Variants in ADARB2 observed in about 807,000 individuals in gnomAD.
ADARB2 encodes inactive double-stranded RNA-specific editase B2.
In ADARB2, 25 loss-of-function variants were observed where a neutral mutation model predicts 62.2. The observed-to-expected ratio is 0.40, with a 90% confidence interval of 0.29 to 0.56. The LOEUF (loss-of-function observed/expected upper bound fraction) is 0.56. ADARB2 is among the 20% of genes least tolerant of loss of function. The pLI, the probability that ADARB2 is intolerant of heterozygous loss-of-function variation, is 0.43. For missense variants in ADARB2, 1,071 were observed against 1,077.4 expected, an observed-to-expected ratio of 0.99 and a Z score of 0.08; for synonymous variants, 572 against 500.8, an observed-to-expected ratio of 1.14 and a Z score of -1.90.
intron 1 of ADARB2, among the ~76,000 whole-genome samples, chr10:1,538,245 C>T (rs1016918488): frequency 6.6e-6 from 1 of 152,198 alleles, no homozygotes; most frequent in Admixed American, 6.5e-5. Flanking sequence ...GTGGCTGTGG[C>T]TGCAGGGGTC....
At chr10:1,247,889 A>G (rs1248013040) in intron 4 of ADARB2, among the ~76,000 whole-genome samples, 1 of 152,144 alleles carries the variant, frequency 6.6e-6, no homozygotes, top group Non-Finnish European at 1.5e-5. Flanking sequence ...CCCTGCACAG[A>G]GGTGTCTAAC....
chr10:1,618,864 T>C (rs970854464), intron 1 of ADARB2, among the ~76,000 whole-genome samples: 2 of 152,268 alleles, frequency 1.3e-5, no homozygotes, highest in South Asian at 4.2e-4. Context: ...TTTCCAGCAA[T>C]GGCCATTTGA....
At position 1,208,848 on chromosome 10, in the gene ADARB2, A is replaced by G. The variant is rs1049375452; in HGVS notation, c.1682+8103T>C. Among the ~76,000 whole-genome samples the G allele has an allele frequency of 2.0e-5, 3 of 152,314 alleles. No homozygotes were observed. The South Asian group carries it at 6.2e-4, about 32-fold the overall frequency. ...GGGGGAGACAAGATGGTCACAGACC[A>G]TTGGCCCAGGAAGAGGGGCTTCTGA... On this transcript the variant is annotated intron_variant, in intron 7 of 9. Coordinates refer to ENST00000381312, the MANE Select transcript of ADARB2 (RefSeq NM_018702.4).
chr10:1,205,901 A>G (rs12777068), intron 7 of ADARB2, among the ~76,000 whole-genome samples: 41 of 105,542 alleles, frequency 3.9e-4, no homozygotes, highest in Middle Eastern at 4.5e-3. Context: ...GGGGCAGCCC[A>G]CTGGGGTCAG....
Position 1,185,078 on chromosome 10 carries a change from T to C in ADARB2, c.1865-39A>G, listed in dbSNP as rs1297209964. ...GGGGAAAGGCGGGCGTTAATATTCC[T>C]GGCCTCACACGGGGCTCCCCCAAGG... On this transcript the variant is annotated intron_variant, in intron 8 of 9. Transcript: ENST00000381312. 3 of 1,590,010 alleles carry C rather than the reference T, an allele frequency of 1.9e-6. No individual in the cohort carries two copies. The East Asian group carries it at 6.7e-5, about 36-fold the overall frequency.
chr10:1,574,210 C>T (rs1249352491), intron 1 of ADARB2, among the ~76,000 whole-genome samples: 1 of 152,204 alleles, frequency 6.6e-6, no homozygotes, highest in East Asian at 1.9e-4. Context: ...AACGGACAGC[C>T]TCTTACACAT....
chr10:1,561,161 A>G (rs1157497732), intron 1 of ADARB2, among the ~76,000 whole-genome samples: 1 of 152,244 alleles, frequency 6.6e-6, no homozygotes, highest in East Asian at 1.9e-4. Flanking sequence ...ATATAAAGAC[A>G]TCAAGGAGAT....
At chr10:1,676,047 C>T in intron 1 of ADARB2, 1 of 985,344 alleles carries the variant, frequency 1.0e-6, no homozygotes, top group Non-Finnish European at 1.2e-6. Flanking sequence ...AACTCTTGAC[C>T]TGAGCCCCTG....
intron 7 of ADARB2, among the ~76,000 whole-genome samples, chr10:1,213,748 G>C (rs115830277): frequency 0.01 from 1,531 of 152,384 alleles, 21 homozygotes; most frequent in African/African-American, 0.035. Context: ...CCCTGGCCAG[G>C]AAGCAGTGTA....
At chr10:1,319,420 G>A (rs1026329408) in intron 3 of ADARB2, among the ~76,000 whole-genome samples, 1 of 152,164 alleles carries the variant, frequency 6.6e-6, no homozygotes, top group East Asian at 1.9e-4. Flanking sequence ...AAGTCATACA[G>A]CTGACAGATA....
intron 1 of ADARB2, among the ~76,000 whole-genome samples, chr10:1,653,989 C>T (rs1336771156): frequency 1.3e-5 from 2 of 152,066 alleles, no homozygotes; most frequent in East Asian, 3.9e-4. Flanking sequence ...AGGGAGATGC[C>T]CCACAGCTGC....
Position 1,627,692 on chromosome 10 carries a change from G to C in ADARB2, c.100+109359C>G, listed in dbSNP as rs1833788118. On this transcript the variant is annotated intron_variant, in intron 1 of 9. Transcript: ENST00000381312. ...TGTTTTACAGATTACACTAGAAAGA[G>C]ACATAGGGGTTTTCTCTGGCTTTTC... 2.0e-5 allele frequency among the ~76,000 whole-genome samples: 3 copies of C among 152,312 alleles called. No individual in the cohort carries two copies. In the South Asian group the frequency reaches 6.2e-4, roughly 32 times the overall value.
intron 1 of ADARB2, among the ~76,000 whole-genome samples, chr10:1,466,848 A>G (rs1419165825): frequency 6.6e-6 from 1 of 152,116 alleles, no homozygotes; most frequent in South Asian, 2.1e-4. Context: ...TTCGGGACAG[A>G]GTCTACTTTA....
rs111982364 is a variant in ADARB2 at position 1,192,925 on chromosome 10, A to G, written c.1864+7041T>C. Among the ~76,000 whole-genome samples, 67 of 152,364 alleles carry G rather than the reference A, an allele frequency of 4.4e-4. 1 individual carries two copies. Among genetic ancestry groups the G allele is most frequent in the Admixed American group, 2.0e-3 (30 of 15,306 alleles). The stretch of plus-strand genomic sequence containing the variant: ...GCCACTGCATTCCCGCCTGGGTGAC[A>G]GAGCGAGACTCCGTCTCAAAAGAAA... On this transcript the variant is annotated intron_variant, in intron 8 of 9. Coordinates refer to ENST00000381312, the MANE Select transcript of ADARB2 (RefSeq NM_018702.4).
intron 1 of ADARB2, among the ~76,000 whole-genome samples, chr10:1,684,171 A>G (rs967133644): frequency 6.6e-6 from 1 of 152,248 alleles, no homozygotes; most frequent in Non-Finnish European, 1.5e-5. Context: ...CAAGGTGTTA[A>G]GTCCAAAATA....
intron 1 of ADARB2, among the ~76,000 whole-genome samples, chr10:1,424,451 T>G (rs1186274496): frequency 6.6e-6 from 1 of 152,212 alleles, no homozygotes; most frequent in Non-Finnish European, 1.5e-5. Context: ...TCGTGTTTAA[T>G]GACTCGTGGC....
At chr10:1,302,181 C>A (rs976112816) in intron 3 of ADARB2, among the ~76,000 whole-genome samples, 1 of 152,130 alleles carries the variant, frequency 6.6e-6, no homozygotes, top group Admixed American at 6.5e-5. Flanking sequence ...ACACCGTGCG[C>A]GAGCCGAAGC....
rs550534322 is a variant in ADARB2 at position 1,654,003 on chromosome 10, G to A, written c.100+83048C>T. 3.3e-5 allele frequency among the ~76,000 whole-genome samples: 5 copies of A among 152,136 alleles called. 1 individual carries two copies. The highest frequency in any genetic ancestry group is 3.4e-3 in the Middle Eastern group (1 of 294). ...CAGGGAGATGCCCCACAGCTGCCCCGGGGGTCCTGGGGGCTGGCTCTGTGG... is the reference window on the plus strand; with the variant it reads ...CAGGGAGATGCCCCACAGCTGCCCCAGGGGTCCTGGGGGCTGGCTCTGTGG... On this transcript the variant is annotated intron_variant, in intron 1 of 9. Coordinates refer to ENST00000381312, the MANE Select transcript of ADARB2 (RefSeq NM_018702.4).
At chr10:1,184,276 A>AAAG (rs1836719593) in intron 9 of ADARB2, among the ~76,000 whole-genome samples, 1 of 152,044 alleles carries the variant, frequency 6.6e-6, no homozygotes. Context: ...TTTTTCTGTT[A>AAAG]TTTGTTGTTT....
Sources: allele counts gnomAD v4.1 joint callset (sites outside exome capture counted in the v4.1 genomes callset), GRCh38; gene constraint gnomAD v4.1.1; transcripts MANE v1.5; gene names NCBI Gene and HGNC (gene_info 2026-07-23, HGNC 2026-07-21).